Variants in FREM1 observed in about 807,000 individuals in gnomAD.
FREM1 encodes the protein FRAS1-related extracellular matrix protein 1.
Under a neutral mutation model 210.1 loss-of-function variants are expected in FREM1, and 220 were observed. That is an observed-to-expected ratio of 1.05 (90% CI 0.94 to 1.17). The LOEUF (loss-of-function observed/expected upper bound fraction) is 1.17, where lower values mean the gene tolerates loss of function less well. FREM1 is among the 50% of genes most tolerant of loss of function. FREM1 has a pLI of 0.00. For missense variants in FREM1, 3,454 were observed against 2,675.5 expected (o/e 1.29, Z -6.42); for synonymous variants, 1,189 against 980.2 (o/e 1.21, Z -3.98).
At chr9:14,747,848 T>C (rs1587677598) in intron 31 of FREM1, 120 bp from the exon 32 acceptor site, 1 of 547,924 alleles carries the variant, frequency 1.8e-6, no homozygotes, top group East Asian at 3.3e-5. Flanking sequence ...TATGTAATCT[T>C]AAGATTTCCC....
intron 8 of FREM1, among the ~76,000 whole-genome samples, chr9:14,844,667 C>G (rs1244909271): frequency 6.6e-6 from 1 of 152,210 alleles, no homozygotes; most frequent in Non-Finnish European, 1.5e-5. Context: ...TACCAGAATC[C>G]TAGTTGTATT....
At chr9:14,874,360 G>A (rs1340519623) in intron 1 of FREM1, among the ~76,000 whole-genome samples, 2 of 150,780 alleles carry the variant, frequency 1.3e-5, no homozygotes, top group South Asian at 4.2e-4. Context: ...CCTGTATTGG[G>A]TGCATATATA....
chr9:14,748,423 C>T lies in FREM1; in HGVS notation c.5774G>A (p.Arg1925Lys). ...TACTGTTTTGCCATTCCCACGGGTCCTAAGCTTCCTTTGAGAAAGATCTGT... is the reference window on the plus strand; with the variant it reads ...TACTGTTTTGCCATTCCCACGGGTCTTAAGCTTCCTTTGAGAAAGATCTGT... Reference protein sequence around the residue: ...DSTDLSQRKLRTRGNGKTVRP... With the variant: ...DSTDLSQRKLKTRGNGKTVRP... Residue 1925 changes from arginine (R) to lysine (K), a missense_variant, in exon 31 of 37, where the codon AGG becomes AAG. Physicochemically the swap from Arg to Lys is conservative, Grantham distance 26. Coordinates refer to ENST00000380880, the MANE Select transcript of FREM1 (RefSeq NM_001379081.2). 6.2e-7 allele frequency: 1 copy of T among 1,612,488 alleles called. No homozygotes were observed. The highest frequency in any genetic ancestry group is 8.5e-7 in the Non-Finnish European group (1 of 1,178,656).
At chr9:14,853,897 G>C (rs1414230680) in intron 5 of FREM1, among the ~76,000 whole-genome samples, 1 of 152,172 alleles carries the variant, frequency 6.6e-6, no homozygotes, top group Non-Finnish European at 1.5e-5. Flanking sequence ...GACCAATTGA[G>C]TCTAGAGTCA....
At chr9:14,861,090 TATATATAAAC>T (rs1328853167) in intron 3 of FREM1, among the ~76,000 whole-genome samples, 5 of 81,646 alleles carry the variant, frequency 6.1e-5, no homozygotes, top group African/African-American at 2.5e-4. Context: ...TATATACACA[TATATATAAAC>T]ATATATACAC....
At chr9:14,872,295 C>A (rs1233153331) in intron 1 of FREM1, among the ~76,000 whole-genome samples, 1 of 152,052 alleles carries the variant, frequency 6.6e-6, no homozygotes, top group African/African-American at 2.4e-5. Context: ...TCTTCCTACC[C>A]ATGAGCATGG....
At chr9:14,898,040 G>C (rs1364427369) in intron 1 of FREM1, among the ~76,000 whole-genome samples, 2 of 152,152 alleles carry the variant, frequency 1.3e-5, no homozygotes, top group Admixed American at 1.3e-4. Flanking sequence ...TGATTCAGTA[G>C]TGCTAAAAAA....
Position 14,737,454 on chromosome 9 carries a change from T to A in FREM1, c.6482A>T (p.Gln2161Leu), listed in dbSNP as rs1273148252. 1 of 1,613,770 alleles carries A rather than the reference T, an allele frequency of 6.2e-7. No homozygotes were observed. ...TTTGGCTCTCCTACAGTCTTTTGTT[T>A]GCCATTTCCCTTGTCTTTGAACCAA... is the stretch of plus-strand genomic sequence containing the variant. ...CVLVQRQGKW[Q>L]TKDCRRAKPH... is the part of the protein sequence containing the mutation. The change falls in exon 37 of 37, where the codon CAA (glutamine) becomes CTA (leucine). Residue 2161 changes from glutamine to leucine, a missense_variant. Physicochemically the swap from Gln to Leu is moderately radical, Grantham distance 113. Transcript: ENST00000380880.
intron 29 of FREM1, among the ~76,000 whole-genome samples, chr9:14,753,334 C>T (rs1401480559): frequency 6.6e-6 from 1 of 152,110 alleles, no homozygotes; most frequent in Non-Finnish European, 1.5e-5. Flanking sequence ...GAGATCTGTT[C>T]CCTTGGAAAA....
At chr9:14,764,421 T>G (rs567260698) in intron 27 of FREM1, among the ~76,000 whole-genome samples, 2 of 152,346 alleles carry the variant, frequency 1.3e-5, no homozygotes, top group Admixed American at 1.3e-4. Flanking sequence ...TCCTCACATG[T>G]TTTCTCTAGC....
intron 27 of FREM1, among the ~76,000 whole-genome samples, chr9:14,766,927 G>T (rs1396593999): frequency 2.0e-5 from 3 of 152,038 alleles, no homozygotes; most frequent in Non-Finnish European, 2.9e-5. Context: ...AAATGTTTCC[G>T]GGATACTTCT....
At chr9:14,796,676 G>C (rs1208194880) in intron 21 of FREM1, among the ~76,000 whole-genome samples, 1 of 152,164 alleles carries the variant, frequency 6.6e-6, no homozygotes, top group Non-Finnish European at 1.5e-5. Flanking sequence ...GTTCTCACAA[G>C]ATCTGATGGT....
intron 6 of FREM1, 56 bp from the exon 7 acceptor site, chr9:14,848,829 G>A: frequency 9.2e-7 from 1 of 1,085,658 alleles, no homozygotes. Flanking sequence ...GGGTAAAGTA[G>A]CATTAATTCT....
chr9:14,745,763 C>T (rs1842304337), intron 35 of FREM1, among the ~76,000 whole-genome samples: 1 of 152,202 alleles, frequency 6.6e-6, no homozygotes, highest in South Asian at 2.1e-4. Flanking sequence ...GGTACATATG[C>T]ATTTTTAAAG....
rs577040507 is a variant in FREM1, at chr9:14,771,326, C to T, written c.4858-520G>A. 2.4e-4 allele frequency among the ~76,000 whole-genome samples: 36 copies of T among 152,090 alleles called. 1 individual carries two copies. The South Asian group carries it at 6.2e-3, about 26-fold the overall frequency. Reference sequence around the variant, plus strand: ...ATTTTTTTGGCATGTCTTTTTTCAACTGGCAAAAATGTTGAATAAAAATAG... The same window carrying T: ...ATTTTTTTGGCATGTCTTTTTTCAATTGGCAAAAATGTTGAATAAAAATAG... On this transcript the variant is annotated intron_variant, in intron 25 of 36. Transcript: ENST00000380880.
At position 14,746,466 on chromosome 9, in the gene FREM1, A is replaced by T; in HGVS notation, c.6141T>A (p.Asp2047Glu). 6.2e-7 allele frequency: 1 copy of T among 1,611,122 alleles called. No individual in the cohort carries two copies. The highest frequency in any genetic ancestry group is 8.5e-7 in the Non-Finnish European group (1 of 1,177,392). ...CGGCTGGACAGGATTTGTCTTCCAC[A>T]TCCTGAAAAACAGTTGTCTGTGTTC... ...AWKAWSPQTK[D>E]VEDKSCPAGW... The change falls in exon 35 of 37, where the codon GAT (aspartate) becomes GAA (glutamate). Residue 2047 changes from aspartate (D) to glutamate (E), a missense_variant and splice_region_variant. By Grantham distance (45) the Asp-to-Glu change is conservative (BLOSUM62 2). Transcript: ENST00000380880.
At chr9:14,879,292 T>C (rs1834360483) in intron 1 of FREM1, among the ~76,000 whole-genome samples, 1 of 143,368 alleles carries the variant, frequency 7.0e-6, no homozygotes, top group Admixed American at 7.0e-5. Flanking sequence ...AAGTCCATTT[T>C]CTGTGCCCAT....
intron 29 of FREM1, among the ~76,000 whole-genome samples, chr9:14,754,291 A>T (rs890616007): frequency 6.6e-6 from 1 of 152,222 alleles, no homozygotes; most frequent in Non-Finnish European, 1.5e-5. Context: ...TGGCCGCAAG[A>T]GCCTGTACCA....
intron 29 of FREM1, among the ~76,000 whole-genome samples, chr9:14,751,327 T>C (rs1455534535): frequency 6.6e-6 from 1 of 152,156 alleles, no homozygotes; most frequent in Non-Finnish European, 1.5e-5. Context: ...ATGATACAGT[T>C]AAACTTTTTA....
Sources: gnomAD v4.1 joint callset for allele counts (sites outside exome capture counted in the v4.1 genomes callset) on GRCh38, gnomAD v4.1.1 for gene constraint, MANE v1.5 for transcripts, NCBI Gene and HGNC (gene_info 2026-07-23, HGNC 2026-07-21) for gene names.